The following CCBE1 variants were observed in gnomAD, a reference collection of about 807,000 sequenced individuals.
CCBE1 encodes the protein collagen and calcium binding EGF domains 1, also known as collagen and calcium-binding EGF domain-containing protein 1.
A neutral mutation model predicts 50.0 loss-of-function variants in CCBE1; 37 were observed. The ratio of observed to expected loss-of-function variants is 0.74; its 90% CI spans 0.57 to 0.97. CCBE1 has a LOEUF of 0.97. Among genes scored for constraint, CCBE1 ranks in the 50% least tolerant of loss-of-function variants. The probability of loss-of-function intolerance (pLI) is 0.00; values close to 1 mark genes in which losing one functional copy is unlikely to be tolerated. For missense variants in CCBE1, 538 were observed against 523.8 expected (o/e 1.03, Z -0.26); for synonymous variants, 234 against 203.7 (o/e 1.15, Z -1.27).
At chr18:59,548,935 T>C (rs574880363) in intron 2 of CCBE1, among the ~76,000 whole-genome samples, 6 of 151,940 alleles carry the variant, frequency 3.9e-5, no homozygotes, top group East Asian at 1.9e-4. Context: ...AAACCCCCTA[T>C]GTATTAAAAA....
chr18:59,499,951 T>C (rs1182200112), intron 2 of CCBE1, among the ~76,000 whole-genome samples: 1 of 152,166 alleles, frequency 6.6e-6, no homozygotes, highest in African/African-American at 2.4e-5. Flanking sequence ...GGATTGGAGT[T>C]CAGGGGGCTT....
chr18:59,668,437 AATAATTAGGTGTTAC>A (rs1224708146), intron 2 of CCBE1, among the ~76,000 whole-genome samples: 2 of 151,720 alleles, frequency 1.3e-5, no homozygotes, highest in Non-Finnish European at 2.9e-5. Flanking sequence ...TAATAATAAT[AATAATTAGGTGTTAC>A]ATATATACAT....
intron 2 of CCBE1, among the ~76,000 whole-genome samples, chr18:59,606,975 T>A (rs2053506644): frequency 6.6e-6 from 1 of 151,468 alleles, no homozygotes; most frequent in African/African-American, 2.4e-5. Flanking sequence ...GTCCGAGTCA[T>A]GTCTGTATCC....
At chr18:59,441,394 C>T (rs916750634) in intron 7 of CCBE1, among the ~76,000 whole-genome samples, 1 of 151,392 alleles carries the variant, frequency 6.6e-6, no homozygotes, top group Non-Finnish European at 1.5e-5. Context: ...CCTGTAATCC[C>T]AGCTACTCAG....
intron 2 of CCBE1, among the ~76,000 whole-genome samples, chr18:59,488,036 A>T (rs1912905375): frequency 6.6e-6 from 1 of 152,268 alleles, no homozygotes; most frequent in South Asian, 2.1e-4. Flanking sequence ...GATGCATGCT[A>T]CAACATGGAT....
intron 1 of CCBE1, 150 bp downstream of exon 1, chr18:59,697,062 C>T: frequency 1.8e-6 from 2 of 1,127,226 alleles, no homozygotes; most frequent in Non-Finnish European, 2.5e-6. Flanking sequence ...GAAGTGTCGC[C>T]CAGGACAGCT....
chr18:59,627,158 TC>T (rs2053795573), intron 2 of CCBE1, among the ~76,000 whole-genome samples: 1 of 152,200 alleles, frequency 6.6e-6, no homozygotes. Flanking sequence ...TACTGCAAAT[TC>T]CAGTCACTCC....
At chr18:59,647,803 A>G (rs539432178) in intron 2 of CCBE1, among the ~76,000 whole-genome samples, 22 of 152,346 alleles carry the variant, frequency 1.4e-4, no homozygotes, top group African/African-American at 5.3e-4. Context: ...TTCTGAATAA[A>G]TAAGTACACA....
intron 2 of CCBE1, among the ~76,000 whole-genome samples, chr18:59,679,944 C>T (rs1468951009): frequency 6.6e-6 from 1 of 152,142 alleles, no homozygotes; most frequent in Non-Finnish European, 1.5e-5. Context: ...GCAATCAAGG[C>T]CGGGCACAGT....
At chr18:59,680,227 G>A (rs200269510) in intron 2 of CCBE1, among the ~76,000 whole-genome samples, 45 of 145,498 alleles carry the variant, frequency 3.1e-4, no homozygotes, top group East Asian at 4.0e-4. Flanking sequence ...TTTCAAAAAA[G>A]AAAAAAAAAA....
intron 2 of CCBE1, among the ~76,000 whole-genome samples, chr18:59,501,115 T>C (rs970622268): frequency 6.6e-6 from 1 of 152,224 alleles, no homozygotes. Flanking sequence ...AAAGGATAGC[T>C]GCTCATTGAA....
intron 2 of CCBE1, among the ~76,000 whole-genome samples, chr18:59,578,546 C>T (rs897030066): frequency 6.6e-6 from 1 of 152,148 alleles, no homozygotes; most frequent in Admixed American, 6.5e-5. Context: ...TGGAACCAAC[C>T]CAAATGCCCA....
intron 2 of CCBE1, among the ~76,000 whole-genome samples, chr18:59,661,612 T>C (rs8097181): frequency 0.32 from 48,053 of 151,994 alleles, 7,900 homozygotes; most frequent in Non-Finnish European, 0.34. Context: ...GCCACAATAT[T>C]CTCAACCAAT....
intron 5 of CCBE1, 185 bp from the exon 6 acceptor site, chr18:59,455,136 G>C: frequency 1.5e-6 from 1 of 683,874 alleles, no homozygotes; most frequent in East Asian, 2.7e-5. Flanking sequence ...GGGAAGAGGG[G>C]AGGACAGAGG....
At chr18:59,646,738 C>CA (rs907796344) in intron 2 of CCBE1, among the ~76,000 whole-genome samples, 15 of 152,202 alleles carry the variant, frequency 9.9e-5, no homozygotes, top group African/African-American at 3.6e-4. Context: ...GCAATGATTT[C>CA]AAAACGGTAC....
At chr18:59,618,697 G>T (rs538005815) in intron 2 of CCBE1, among the ~76,000 whole-genome samples, 46 of 152,120 alleles carry the variant, frequency 3.0e-4, no homozygotes, top group African/African-American at 1.0e-3. Context: ...CAAAGTGCTG[G>T]GATTATAGGC....
At chr18:59,552,566 A>C (rs1231167018) in intron 2 of CCBE1, among the ~76,000 whole-genome samples, 1 of 152,224 alleles carries the variant, frequency 6.6e-6, no homozygotes, top group Non-Finnish European at 1.5e-5. Flanking sequence ...TTGCTGACTT[A>C]ATCATCCAAA....
intron 2 of CCBE1, among the ~76,000 whole-genome samples, chr18:59,601,112 A>G (rs1377360621): frequency 7.3e-6 from 1 of 137,296 alleles, no homozygotes; most frequent in Non-Finnish European, 1.5e-5. Context: ...GCTCACTGCA[A>G]CCTCTGCCTC....
chr18:59,469,003 A>G (rs1911892972), intron 4 of CCBE1, among the ~76,000 whole-genome samples: 1 of 152,148 alleles, frequency 6.6e-6, no homozygotes. Flanking sequence ...GTGGCAGTAA[A>G]CAGGCTGGTG....
Sources: allele counts gnomAD v4.1 joint callset (sites outside exome capture counted in the v4.1 genomes callset), GRCh38; gene constraint gnomAD v4.1.1; transcripts MANE v1.5; gene names NCBI Gene and HGNC (gene_info 2026-07-23, HGNC 2026-07-21).